The following ARHGEF10 variants were observed in gnomAD, a reference collection of about 807,000 sequenced individuals.
The protein encoded by ARHGEF10 is Rho guanine nucleotide exchange factor 10.
In ARHGEF10, 140 loss-of-function variants were observed where a neutral mutation model predicts 147.4. That is an observed-to-expected ratio of 0.95 (90% CI 0.83 to 1.09). The LOEUF is 1.09. ARHGEF10 is among the 50% of genes least tolerant of loss of function. ARHGEF10 has a pLI of 0.00. For missense variants in ARHGEF10, 2,222 were observed against 1,752.7 expected, an observed-to-expected ratio of 1.27 and a Z score of -4.78; for synonymous variants, 902 against 695.8, an observed-to-expected ratio of 1.30 and a Z score of -4.67.
intron 1 of ARHGEF10, among the ~76,000 whole-genome samples, chr8:1,840,263 A>G (rs1242769316): frequency 1.9e-5 from 2 of 107,998 alleles, no homozygotes; most frequent in African/African-American, 4.0e-5. Context: ...TCCGGTGTGG[A>G]ATCTGTCCGG....
At chr8:1,932,134 G>A (rs1813197143) in intron 25 of ARHGEF10, among the ~76,000 whole-genome samples, 1 of 152,172 alleles carries the variant, frequency 6.6e-6, no homozygotes. Context: ...CCTTCAGAGT[G>A]TGTGAATGTC....
intron 2 of ARHGEF10, among the ~76,000 whole-genome samples, chr8:1,857,721 T>TC (rs1805663563): frequency 1.4e-5 from 1 of 71,346 alleles, no homozygotes; most frequent in South Asian, 5.6e-4. Context: ...CCCAGCCTCT[T>TC]GTTTCTTCTC....
chr8:1,920,709 T>G (rs1812218655), intron 18 of ARHGEF10, among the ~76,000 whole-genome samples: 1 of 152,222 alleles, frequency 6.6e-6, no homozygotes, highest in African/African-American at 2.4e-5. Context: ...TTATGAAACA[T>G]TTTAAATTAT....
intron 3 of ARHGEF10, 102 bp downstream of exon 3, chr8:1,858,217 T>TCCCCAGGTGGC: frequency 9.2e-7 from 1 of 1,090,064 alleles, no homozygotes; most frequent in Non-Finnish European, 1.3e-6. Flanking sequence ...CCCAGGTGAG[T>TCCCCAGGTGGC]CCCCAGGTGA....
intron 18 of ARHGEF10, among the ~76,000 whole-genome samples, chr8:1,916,908 T>C (rs569059963): frequency 1.3e-5 from 2 of 152,352 alleles, no homozygotes; most frequent in African/African-American, 4.8e-5. Context: ...CCTCACACCA[T>C]TGTCCGTATA....
intron 1 of ARHGEF10, among the ~76,000 whole-genome samples, chr8:1,833,119 G>GGC (rs1563149715): frequency 1.2e-3 from 157 of 127,034 alleles, no homozygotes; most frequent in East Asian, 0.011. Flanking sequence ...CAGAGGCAGA[G>GGC]AGAGACAGAG....
chr8:1,889,168 G>A (rs1333477322), intron 11 of ARHGEF10, among the ~76,000 whole-genome samples: 1 of 110,050 alleles, frequency 9.1e-6, no homozygotes, highest in Non-Finnish European at 1.9e-5. Flanking sequence ...ACGCTGAGTT[G>A]GGGGGTTGTG....
intron 1 of ARHGEF10, among the ~76,000 whole-genome samples, chr8:1,832,740 G>C (rs370441371): frequency 3.5e-5 from 1 of 28,822 alleles, no homozygotes; most frequent in African/African-American, 1.4e-4. Flanking sequence ...AGAGGCAGAG[G>C]CAGAGGCAGA....
At chr8:1,924,163 CCTGG>C (rs1812506508) in intron 21 of ARHGEF10, among the ~76,000 whole-genome samples, 2 of 152,146 alleles carry the variant, frequency 1.3e-5, no homozygotes, top group Non-Finnish European at 2.9e-5. Context: ...GCCCGTGGAG[CCTGG>C]CCGTGAGCCA....
chr8:1,849,257 A>G (rs985838033), intron 2 of ARHGEF10, among the ~76,000 whole-genome samples: 6 of 152,142 alleles, frequency 3.9e-5, no homozygotes, highest in African/African-American at 1.4e-4. Flanking sequence ...CACAGACGGC[A>G]AATGCTGAGA....
intron 1 of ARHGEF10, among the ~76,000 whole-genome samples, chr8:1,833,086 AGACAG>A (rs1803329501): frequency 9.1e-6 from 1 of 110,442 alleles, no homozygotes; most frequent in Non-Finnish European, 2.0e-5. Context: ...AGAGAGACAG[AGACAG>A]AGGCAGAGAG....
intron 18 of ARHGEF10, among the ~76,000 whole-genome samples, chr8:1,909,900 C>T (rs1038043272): frequency 3.3e-5 from 5 of 152,126 alleles, no homozygotes; most frequent in South Asian, 2.1e-4. Context: ...TGCTGGGCAG[C>T]GTTGTGATGT....
intron 1 of ARHGEF10, among the ~76,000 whole-genome samples, chr8:1,841,146 A>T (rs1283270599): frequency 6.6e-6 from 1 of 152,262 alleles, no homozygotes; most frequent in African/African-American, 2.4e-5. Flanking sequence ...CCTCTGCTGT[A>T]GCCTTGGGTG....
intron 23 of ARHGEF10, chr8:1,926,921 A>G (rs1812735295): frequency 7.0e-6 from 2 of 287,418 alleles, no homozygotes; most frequent in Admixed American, 5.1e-5. Flanking sequence ...ACCAGAGGAC[A>G]TTCTTGAAGC....
At chr8:1,825,383 C>T (rs563187960) in intron 1 of ARHGEF10, among the ~76,000 whole-genome samples, 1 of 71,966 alleles carries the variant, frequency 1.4e-5, no homozygotes, top group Non-Finnish European at 2.7e-5. Context: ...TGCACCTCAA[C>T]TGTCCTGCAC....
chr8:1,898,492 C>T lies in ARHGEF10; in HGVS notation c.1617C>T (p.Ile539=). Residue 539 remains isoleucine, a synonymous_variant, in exon 15 of 29, where the codon ATC becomes ATT. Transcript: ENST00000349830. Reference sequence around the variant, plus strand: ...TCTACAGCCTGATGATGAAGCCCATCCAGAGGTTCCCACAGTTCATCCTCC... The same window carrying T: ...TCTACAGCCTGATGATGAAGCCCATTCAGAGGTTCCCACAGTTCATCCTCC... ...TTLYSLMMKP[I]QRFPQFILLL... is the part of the protein sequence containing the mutation. 6.2e-7 allele frequency: 1 copy of T among 1,614,134 alleles called. No individual in the cohort carries two copies. The highest frequency in any genetic ancestry group is 8.5e-7 in the Non-Finnish European group (1 of 1,180,016).
intron 11 of ARHGEF10, among the ~76,000 whole-genome samples, chr8:1,892,690 A>T (rs4875939): frequency 1.4e-5 from 2 of 138,772 alleles, no homozygotes; most frequent in Non-Finnish European, 3.4e-5. Context: ...TATCTTGCAC[A>T]TATATGGGGT....
At chr8:1,896,218 AC>A (rs1176676517) in intron 13 of ARHGEF10, 114 bp from the exon 14 acceptor site, 24 of 856,832 alleles carry the variant, frequency 2.8e-5, no homozygotes, top group Non-Finnish European at 4.3e-5. Context: ...TCTTATGAAA[AC>A]ATCACAGTGA....
chr8:1,925,558 T>A (rs1812627221), intron 22 of ARHGEF10, among the ~76,000 whole-genome samples, 154 bp downstream of exon 22: 1 of 152,158 alleles, frequency 6.6e-6, no homozygotes, highest in South Asian at 2.1e-4. Context: ...TATCTGGAAA[T>A]AAGACTGCTG....
Sources: allele counts gnomAD v4.1 joint callset (sites outside exome capture counted in the v4.1 genomes callset), GRCh38; gene constraint gnomAD v4.1.1; transcripts MANE v1.5; gene names NCBI Gene and HGNC (gene_info 2026-07-23, HGNC 2026-07-21).